The following PLCL1 variants were observed in gnomAD, a reference collection of about 807,000 sequenced individuals.
PLCL1 encodes phospholipase C like 1 (inactive).
In PLCL1, 41 loss-of-function variants were observed where a neutral mutation model predicts 84.4. That is an observed-to-expected ratio of 0.49 (90% CI 0.38 to 0.63). The LOEUF (loss-of-function observed/expected upper bound fraction) is 0.63, where lower values mean the gene tolerates loss of function less well. Among genes scored for constraint, PLCL1 ranks in the 30% least tolerant of loss-of-function variants. The pLI is 0.00. For missense variants in PLCL1, 1,206 were observed against 1,367.8 expected, an observed-to-expected ratio of 0.88 and a Z score of 1.87; for synonymous variants, 490 against 488.3, an observed-to-expected ratio of 1.00 and a Z score of -0.05.
At chr2:198,067,970 T>C (rs1056150278) in intron 1 of PLCL1, among the ~76,000 whole-genome samples, 3 of 152,230 alleles carry the variant, frequency 2.0e-5, no homozygotes, top group Non-Finnish European at 2.9e-5. Context: ...GCAAGTGTTA[T>C]TAAGAAACCA....
chr2:197,975,934 C>A (rs1278525443), intron 1 of PLCL1, among the ~76,000 whole-genome samples: 1 of 152,174 alleles, frequency 6.6e-6, no homozygotes, highest in African/African-American at 2.4e-5. Context: ...CAGCCCCATC[C>A]TCAAATTCAT....
intron 1 of PLCL1, among the ~76,000 whole-genome samples, chr2:197,858,581 G>T (rs549685241): frequency 6.6e-6 from 1 of 152,162 alleles, no homozygotes; most frequent in South Asian, 2.1e-4. Flanking sequence ...TTTTCCTAAT[G>T]AAAGCTTCCC....
At position 198,084,172 on chromosome 2, in the gene PLCL1, C is replaced by T. The variant is rs771861039; in HGVS notation, c.655C>T (p.Arg219Trp). Residue 219 changes from arginine (R) to tryptophan (W), a missense_variant, in exon 2 of 6, where the codon CGG becomes TGG. By Grantham distance (101) the Arg-to-Trp change is moderately radical. Transcript: ENST00000428675. ...DVANIWVSGL[R>W]YLVSRSKQPL... ...GGCAAACATCTGGGTGTCTGGGTTA[C>T]GGTACCTGGTTTCTCGAAGTAAGCA... is the stretch of plus-strand genomic sequence containing the variant. 20 of 1,613,936 alleles carry T rather than the reference C, an allele frequency of 1.2e-5. No individual in the cohort carries two copies. The highest frequency in any genetic ancestry group is 3.3e-5 in the South Asian group (3 of 91,072).
At chr2:197,850,663 A>G (rs1255743279) in intron 1 of PLCL1, among the ~76,000 whole-genome samples, 1 of 152,184 alleles carries the variant, frequency 6.6e-6, no homozygotes, top group Non-Finnish European at 1.5e-5. Flanking sequence ...GTATTATAGA[A>G]GACAGGTTAT....
chr2:198,000,789 T>G (rs1690582064), intron 1 of PLCL1, among the ~76,000 whole-genome samples: 1 of 152,106 alleles, frequency 6.6e-6, no homozygotes, highest in Non-Finnish European at 1.5e-5. Flanking sequence ...TATTCAAACT[T>G]TTCAAACTTT....
chr2:197,819,857 T>G lies in PLCL1; in HGVS notation c.240+14518T>G, dbSNP rs191851727. Among the ~76,000 whole-genome samples the G allele has an allele frequency of 4.3e-4, 65 of 151,324 alleles. 2 individuals are homozygous for G. The South Asian group carries it at 9.4e-3, about 22-fold the overall frequency. On this transcript the variant is annotated intron_variant, in intron 1 of 5. Coordinates refer to ENST00000428675, the MANE Select transcript of PLCL1 (RefSeq NM_006226.4). ...ATCATTATCACTTCCACCTTAGAGA[T>G]GAGGAAGCCAAGGCTCACTATTATG...
At chr2:197,975,186 C>A (rs905052605) in intron 1 of PLCL1, among the ~76,000 whole-genome samples, 31 of 145,850 alleles carry the variant, frequency 2.1e-4, no homozygotes, top group Admixed American at 1.6e-3. Flanking sequence ...AGTGATGCTT[C>A]ACATTATTGA....
rs1218030387 is a variant in PLCL1, at chr2:198,023,356, A to G, written c.241-60402A>G. 2.0e-5 allele frequency among the ~76,000 whole-genome samples: 3 copies of G among 152,262 alleles called. No homozygotes were observed. The East Asian group carries it at 5.8e-4, about 29-fold the overall frequency. ...AAGCATGGGCAAAGACTTCAAGACT[A>G]AAACACCAAAAGCAATTGCAACAAA... On this transcript the variant is annotated intron_variant, in intron 1 of 5. Transcript: ENST00000428675.
rs1041484318 is a variant in PLCL1 at position 198,008,160 on chromosome 2, C to A, written c.241-75598C>A. On this transcript the variant is annotated intron_variant, in intron 1 of 5. Coordinates refer to ENST00000428675, the MANE Select transcript of PLCL1 (RefSeq NM_006226.4). ...TTCCAATTTTTTTCATACTATATTG[C>A]ATGTGCTTAAGTAATTCTTTGGGCT... Among the ~76,000 whole-genome samples the A allele has an allele frequency of 2.0e-5, 3 of 152,020 alleles. No homozygotes were observed. The South Asian group carries it at 6.2e-4, about 32-fold the overall frequency.
chr2:197,876,297 C>T (rs941877401), intron 1 of PLCL1, among the ~76,000 whole-genome samples: 1 of 152,214 alleles, frequency 6.6e-6, no homozygotes, highest in South Asian at 2.1e-4. Context: ...AGAAGAGGGG[C>T]TGGTAACGAG....
chr2:198,063,229 A>T (rs926225443), intron 1 of PLCL1, among the ~76,000 whole-genome samples: 4 of 150,312 alleles, frequency 2.7e-5, no homozygotes, highest in African/African-American at 1.0e-4. Flanking sequence ...ACACTCATAC[A>T]TATATATTAT....
intron 1 of PLCL1, among the ~76,000 whole-genome samples, chr2:197,956,626 G>T (rs774335324): frequency 6.6e-6 from 1 of 152,098 alleles, no homozygotes; most frequent in Non-Finnish European, 1.5e-5. Context: ...ACTGGCATGA[G>T]GTGGTATATC....
Position 197,805,080 on chromosome 2 carries a change from A to G in PLCL1, c.-20A>G. 7.0e-7 allele frequency: 1 copy of G among 1,418,838 alleles called. No homozygotes were observed. The highest frequency in any genetic ancestry group is 9.2e-7 in the Non-Finnish European group (1 of 1,091,798). 87.9% of individuals were successfully genotyped at this position (1,418,838 alleles called of 1,614,324 possible). ...CCGGGCGTCCCGCTTTCCCCCGGGG[A>G]GCCCTAAACGCTCCAGGCCATGGCC... is the stretch of plus-strand genomic sequence containing the variant. On this transcript the variant is annotated 5_prime_UTR_variant, in exon 1 of 6. Transcript: ENST00000428675. The surrounding 1 kb of genome is among the most constrained non-coding windows in gnomAD (Gnocchi z 4.0).
At chr2:197,827,879 T>C (rs764001789) in intron 1 of PLCL1, among the ~76,000 whole-genome samples, 1 of 152,166 alleles carries the variant, frequency 6.6e-6, no homozygotes, top group Non-Finnish European at 1.5e-5. Context: ...GGAATGTAAC[T>C]GTTTTCTGTT....
chr2:197,959,817 T>C (rs531305326), intron 1 of PLCL1, among the ~76,000 whole-genome samples: 1 of 152,242 alleles, frequency 6.6e-6, no homozygotes, highest in Admixed American at 6.5e-5. Context: ...AGATGCTACC[T>C]GTAGGAGTGG....
At chr2:198,044,498 TAGAG>T (rs1413305901) in intron 1 of PLCL1, among the ~76,000 whole-genome samples, 5 of 152,320 alleles carry the variant, frequency 3.3e-5, no homozygotes, top group Non-Finnish European at 7.3e-5. Flanking sequence ...TGTATTAACT[TAGAG>T]AGGAACAATT....
intron 1 of PLCL1, among the ~76,000 whole-genome samples, chr2:198,061,079 G>T (rs1692187262): frequency 6.6e-6 from 1 of 152,152 alleles, no homozygotes; most frequent in South Asian, 2.1e-4. Context: ...CAAGTGTAAT[G>T]ATTAGCAATG....
chr2:198,083,994 T>A lies in PLCL1; in HGVS notation c.477T>A (p.Asp159Glu), dbSNP rs778613184. The change falls in exon 2 of 6, where the codon GAT becomes GAA. Residue 159 changes from aspartate (D) to glutamate (E), a missense_variant. Transcript: ENST00000428675. The part of the protein sequence containing the change: ...SKKDLEKAKL[D>E]ISAIKEIRLG... ...AAGACCTCGAGAAAGCCAAGCTTGA[T>A]ATTTCTGCCATAAAAGAGATCAGAC... 5.1e-5 allele frequency: 83 copies of A among 1,614,056 alleles called. No individual in the cohort carries two copies. The highest frequency in any genetic ancestry group is 6.3e-5 in the Non-Finnish European group (74 of 1,180,012).
intron 1 of PLCL1, among the ~76,000 whole-genome samples, chr2:197,984,440 T>G (rs1214829857): frequency 6.6e-6 from 1 of 152,098 alleles, no homozygotes; most frequent in Non-Finnish European, 1.5e-5. Flanking sequence ...AAGTTGAAGG[T>G]ACATTGAAAA....
Sources: allele counts gnomAD v4.1 joint callset (sites outside exome capture counted in the v4.1 genomes callset), GRCh38; gene constraint gnomAD v4.1.1; non-coding constraint Gnocchi (gnomAD v3.1); transcripts MANE v1.5; gene names NCBI Gene and HGNC (gene_info 2026-07-23, HGNC 2026-07-21).